IL1RN: variants seen among roughly 807,000 people sequenced by gnomAD.
The protein encoded by IL1RN is interleukin 1 receptor antagonist.
IL1RN carries 10 observed loss-of-function variants against 13.7 expected under a neutral mutation model. The observed-to-expected ratio is 0.73, with a 90% CI of 0.45 to 1.24. IL1RN has a LOEUF of 1.24. IL1RN is among the 50% of genes most tolerant of loss of function. The pLI is 0.00. For synonymous variants in IL1RN, 102 were observed against 82.7 expected (o/e 1.23, Z -1.27); for missense variants, 213 against 222.1 (o/e 0.96, Z 0.26).
At chr2:113,123,258 A>G (rs1686841857), upstream of IL1RN, among the ~76,000 whole-genome samples, 1 of 152,254 alleles carries the variant, frequency 6.6e-6, no homozygotes, top group African/African-American at 2.4e-5. Context: ...CTTTGGAGGC[A>G]TCAGAGAATG....
chr2:113,123,172 G>A (rs1377280316), upstream of IL1RN, among the ~76,000 whole-genome samples: 2 of 152,134 alleles, frequency 1.3e-5, no homozygotes, highest in African/African-American at 4.8e-5. Flanking sequence ...GATACCTCTG[G>A]CCTAGGTTGT....
At chr2:113,109,472 A>C (rs1391549593), upstream of IL1RN, among the ~76,000 whole-genome samples, 2 of 152,124 alleles carry the variant, frequency 1.3e-5, no homozygotes, top group Non-Finnish European at 2.9e-5. Flanking sequence ...AAGATTACAA[A>C]AAATGAAAAT....
upstream of IL1RN, among the ~76,000 whole-genome samples, chr2:113,116,735 G>A (rs1359071320): frequency 6.6e-6 from 1 of 152,246 alleles, no homozygotes; most frequent in Non-Finnish European, 1.5e-5. Flanking sequence ...GCAGCCAGTA[G>A]GCTGGTCTGC....
At chr2:113,111,234 G>A (rs1043911801) in intron 1 of IL1RN, 1 of 152,164 alleles carries the variant, frequency 6.6e-6, no homozygotes, top group Non-Finnish European at 1.5e-5. Flanking sequence ...TTTTAAATCT[G>A]GGAAAACTGA....
At chr2:113,130,258 C>T (rs968442213) in intron 2 of IL1RN, 5 of 163,636 alleles carry the variant, frequency 3.1e-5, no homozygotes, top group Non-Finnish European at 6.8e-5. Context: ...GATGGTATTA[C>T]CTCCACCTTC....
At chr2:113,115,271 G>A (rs1011212257), upstream of IL1RN, among the ~76,000 whole-genome samples, 2 of 152,062 alleles carry the variant, frequency 1.3e-5, no homozygotes, top group Non-Finnish European at 2.9e-5. Context: ...CAAGCTCTCA[G>A]TCTTCTCACG....
intron 2 of IL1RN, among the ~76,000 whole-genome samples, chr2:113,122,407 G>A (rs1297084424): frequency 6.6e-6 from 1 of 152,178 alleles, no homozygotes; most frequent in Non-Finnish European, 1.5e-5. Flanking sequence ...CCTCTCTGGG[G>A]TGCGGCAGCC....
upstream of IL1RN, chr2:113,117,806 A>G (rs1686629875): frequency 3.2e-6 from 2 of 630,852 alleles, no homozygotes; most frequent in African/African-American, 1.8e-5. Flanking sequence ...CAGCCGGCCC[A>G]TCTCCTCATG....
upstream of IL1RN, among the ~76,000 whole-genome samples, chr2:113,103,133 A>G (rs1228655446): frequency 6.6e-6 from 1 of 152,242 alleles, no homozygotes. Context: ...CAGAGTGGGC[A>G]CATGGCCTGG....
At chr2:113,111,490 G>C (rs77173785) in intron 1 of IL1RN, among the ~76,000 whole-genome samples, 2 of 152,206 alleles carry the variant, frequency 1.3e-5, no homozygotes, top group African/African-American at 4.8e-5. Context: ...TAATGGCATG[G>C]ATACTGTAGT....
chr2:113,126,508 A>T (rs1345940361), upstream of IL1RN, among the ~76,000 whole-genome samples: 1 of 152,228 alleles, frequency 6.6e-6, no homozygotes, highest in African/African-American at 2.4e-5. Flanking sequence ...CCTGTAGATC[A>T]TGCAGAAATT....
upstream of IL1RN, among the ~76,000 whole-genome samples, chr2:113,105,855 A>G (rs1383567565): frequency 6.6e-6 from 1 of 152,208 alleles, no homozygotes; most frequent in Non-Finnish European, 1.5e-5. Flanking sequence ...GAATTATTTT[A>G]TATTGTAATG....
chr2:113,104,725 G>A (rs1162242575), upstream of IL1RN, among the ~76,000 whole-genome samples: 3 of 152,162 alleles, frequency 2.0e-5, no homozygotes, highest in Non-Finnish European at 2.9e-5. Context: ...TGGGCACTTA[G>A]TGTGTGCCAA....
intron 1 of IL1RN, among the ~76,000 whole-genome samples, chr2:113,119,536 C>G (rs1439766238): frequency 6.6e-6 from 1 of 152,168 alleles, no homozygotes; most frequent in African/African-American, 2.4e-5. Context: ...TCCCCTGTCC[C>G]CCAGTGGGTA....
chr2:113,101,801 CTT>C, the IL1RN span, among the ~76,000 whole-genome samples: 1 of 152,064 alleles, frequency 6.6e-6, no homozygotes, highest in Non-Finnish European at 1.5e-5. Context: ...GAGTTTCTCT[CTT>C]GTTACCCAGG....
chr2:113,118,756 G>T (rs1015824131), intron 1 of IL1RN, among the ~76,000 whole-genome samples: 1 of 152,224 alleles, frequency 6.6e-6, no homozygotes, highest in Non-Finnish European at 1.5e-5. Context: ...GGCCCCTGAG[G>T]CTGGGCGTGG....
chr2:113,118,489 C>CT (rs143010578), intron 1 of IL1RN, among the ~76,000 whole-genome samples: 31,863 of 68,602 alleles, frequency 0.46, 4,100 homozygotes, highest in South Asian at 0.58. Context: ...GGGCTTGGCA[C>CT]AGTCAGTTCC....
chr2:113,112,145 A>G (rs1455559113), intron 1 of IL1RN, among the ~76,000 whole-genome samples: 3 of 152,184 alleles, frequency 2.0e-5, no homozygotes, highest in Non-Finnish European at 4.4e-5. Flanking sequence ...GCAAAATCCC[A>G]TGGTCTGAAT....
upstream of IL1RN, among the ~76,000 whole-genome samples, chr2:113,110,775 G>A (rs1346080796): frequency 6.6e-6 from 1 of 152,234 alleles, no homozygotes. Context: ...GCCTGGCACA[G>A]GTGGGTGTTT....
Sources: allele counts gnomAD v4.1 joint callset (sites outside exome capture counted in the v4.1 genomes callset), GRCh38; gene constraint gnomAD v4.1.1; transcripts MANE v1.5; gene names NCBI Gene and HGNC (gene_info 2026-07-23, HGNC 2026-07-21).